The following SLC8A1 variants were observed in gnomAD, a reference collection of about 807,000 sequenced individuals.
SLC8A1 encodes solute carrier family 8 member A1, also known as sodium/calcium exchanger 1.
In SLC8A1, 18 loss-of-function variants were observed where a neutral mutation model predicts 68.3. The ratio of observed to expected loss-of-function variants is 0.26; its 90% CI spans 0.18 to 0.39. The LOEUF (loss-of-function observed/expected upper bound fraction) is 0.39. SLC8A1 is among the 10% of genes least tolerant of loss of function. SLC8A1 has a pLI of 1.00. For missense variants in SLC8A1, 985 were observed against 1,156.7 expected (o/e 0.85, Z 2.15); for synonymous variants, 475 against 415.5 (o/e 1.14, Z -1.74).
At chr2:40,463,371 G>A (rs1458084230) in intron 1 of SLC8A1, among the ~76,000 whole-genome samples, 2 of 152,198 alleles carry the variant, frequency 1.3e-5, no homozygotes, top group African/African-American at 2.4e-5. Context: ...AGCATAGTAC[G>A]TGTTGAACTT....
intron 1 of SLC8A1, among the ~76,000 whole-genome samples, chr2:40,447,476 C>T (rs1321359309): frequency 6.6e-6 from 1 of 151,866 alleles, no homozygotes; most frequent in Non-Finnish European, 1.5e-5. Context: ...GCCCTGAGTG[C>T]ACTAACTGGG....
chr2:40,151,883 AAAAATT>A (rs1215783325), intron 6 of SLC8A1, among the ~76,000 whole-genome samples: 2 of 152,232 alleles, frequency 1.3e-5, no homozygotes, highest in Non-Finnish European at 2.9e-5. Context: ...CATTAAAGAT[AAAAATT>A]AAAATTACAG....
At chr2:40,342,102 A>T (rs575698086) in intron 2 of SLC8A1, among the ~76,000 whole-genome samples, 1 of 152,274 alleles carries the variant, frequency 6.6e-6, no homozygotes, top group South Asian at 2.1e-4. Context: ...AAGAGTTAGT[A>T]AAGTTTCTTG....
intron 2 of SLC8A1, among the ~76,000 whole-genome samples, chr2:40,389,817 GAT>G (rs895190889): frequency 2.0e-4 from 29 of 147,410 alleles, no homozygotes; most frequent in African/African-American, 7.2e-4. Context: ...ATATATATAT[GAT>G]ATATGATATA....
chr2:40,288,617 T>C (rs1181436430), intron 2 of SLC8A1, among the ~76,000 whole-genome samples: 1 of 151,952 alleles, frequency 6.6e-6, no homozygotes, highest in Non-Finnish European at 1.5e-5. Context: ...CTCTCCCCAG[T>C]TCTGTGTTTA....
intron 1 of SLC8A1, among the ~76,000 whole-genome samples, chr2:40,491,662 C>T (rs1346743308): frequency 6.6e-6 from 1 of 152,020 alleles, no homozygotes; most frequent in African/African-American, 2.4e-5. Flanking sequence ...CCATCAATAC[C>T]TAATTTATTG....
chr2:40,360,336 T>A (rs1674222892), intron 2 of SLC8A1, among the ~76,000 whole-genome samples: 1 of 152,212 alleles, frequency 6.6e-6, no homozygotes, highest in Non-Finnish European at 1.5e-5. Flanking sequence ...TTTGTTTTTT[T>A]AATATATTGG....
chr2:40,380,065 G>A (rs181348731), intron 2 of SLC8A1, among the ~76,000 whole-genome samples: 38 of 152,200 alleles, frequency 2.5e-4, no homozygotes, highest in Middle Eastern at 6.8e-3. Context: ...TGAAAATCAT[G>A]GAAAATTTTG....
At chr2:40,184,975 G>A (rs1314356521) in intron 2 of SLC8A1, among the ~76,000 whole-genome samples, 3 of 146,318 alleles carry the variant, frequency 2.1e-5, no homozygotes, top group Non-Finnish European at 3.0e-5. Flanking sequence ...CTCCACAGAA[G>A]ATAAACAAAT....
chr2:40,253,168 TAC>T (rs1219634171), intron 2 of SLC8A1, among the ~76,000 whole-genome samples: 4 of 134,888 alleles, frequency 3.0e-5, no homozygotes, highest in South Asian at 2.2e-4. Context: ...TATATGTATA[TAC>T]ACACAAATAT....
At chr2:40,436,904 C>T (rs1486234796) in intron 1 of SLC8A1, among the ~76,000 whole-genome samples, 1 of 152,088 alleles carries the variant, frequency 6.6e-6, no homozygotes, top group Non-Finnish European at 1.5e-5. Context: ...ATTCATTATG[C>T]CAGAACCACA....
intron 2 of SLC8A1, among the ~76,000 whole-genome samples, chr2:40,318,100 TTTTC>T (rs1464073796): frequency 6.6e-6 from 1 of 152,074 alleles, no homozygotes; most frequent in Non-Finnish European, 1.5e-5. Flanking sequence ...ACTTAATTAT[TTTTC>T]TTTCTCTCTT....
chr2:40,372,045 G>T (rs1678269301), intron 2 of SLC8A1, among the ~76,000 whole-genome samples: 1 of 152,076 alleles, frequency 6.6e-6, no homozygotes, highest in South Asian at 2.1e-4. Flanking sequence ...AGCTGCAAAG[G>T]CCAAGGATTT....
At chr2:40,498,041 G>A (rs11887097) in intron 1 of SLC8A1, among the ~76,000 whole-genome samples, 71,419 of 151,770 alleles carry the variant, frequency 0.47, 17,123 homozygotes, top group African/African-American at 0.57. Flanking sequence ...GACTGATTTG[G>A]TGTGTTGTGG....
chr2:40,431,340 T>C (rs1432851636), intron 1 of SLC8A1, among the ~76,000 whole-genome samples: 1 of 151,976 alleles, frequency 6.6e-6, no homozygotes, highest in East Asian at 1.9e-4. Context: ...GGACCAATAA[T>C]TCCATTTAAA....
rs187614666 is a variant in SLC8A1, at chr2:40,403,426, G to A, written c.1808+25047C>T. Among the ~76,000 whole-genome samples the A allele has an allele frequency of 2.5e-3, 374 of 152,136 alleles. 2 individuals carry two copies. Among genetic ancestry groups the A allele is most frequent in the African/African-American group, 3.5e-3 (146 of 41,512 alleles). ...AGCCTCTATTCCCCATTCCCCATCC[G>A]CCACCCTCTTTCTACACAACAGGAG... On this transcript the variant is annotated intron_variant, in intron 2 of 7. Coordinates refer to ENST00000406785, the Ensembl canonical transcript of SLC8A1.
intron 2 of SLC8A1, among the ~76,000 whole-genome samples, chr2:40,206,724 C>T (rs1160865657): frequency 6.6e-6 from 1 of 152,020 alleles, no homozygotes; most frequent in Non-Finnish European, 1.5e-5. Flanking sequence ...ACTATTTTCA[C>T]CCCTACGATC....
intron 2 of SLC8A1, among the ~76,000 whole-genome samples, chr2:40,328,403 CT>C (rs2076068531): frequency 6.6e-6 from 1 of 152,084 alleles, no homozygotes; most frequent in South Asian, 2.1e-4. Flanking sequence ...TAACTTCTTT[CT>C]TTTAAATTCA....
intron 1 of SLC8A1, among the ~76,000 whole-genome samples, chr2:40,447,087 A>T (rs759411349): frequency 3.6e-4 from 55 of 152,326 alleles, no homozygotes; most frequent in Admixed American, 7.8e-4. Context: ...CTGTCTTTTT[A>T]AAAAAATTAA....
Sources: gnomAD v4.1 joint callset for allele counts (sites outside exome capture counted in the v4.1 genomes callset) on GRCh38, gnomAD v4.1.1 for gene constraint, MANE v1.5 for transcripts, NCBI Gene and HGNC (gene_info 2026-07-23, HGNC 2026-07-21) for gene names.